The following LRRFIP2 variants were observed in gnomAD, a reference collection of about 807,000 sequenced individuals.
LRRFIP2 encodes the protein LRR binding FLII interacting protein 2.
A neutral mutation model predicts 125.9 loss-of-function variants in LRRFIP2; 109 were observed. The observed-to-expected ratio is 0.87, with a 90% CI of 0.74 to 1.01. The LOEUF (loss-of-function observed/expected upper bound fraction) is 1.01. Among genes scored for constraint, LRRFIP2 ranks in the 50% least tolerant of loss-of-function variants. The pLI, the probability that LRRFIP2 is intolerant of heterozygous loss-of-function variation, is 0.00. For synonymous variants in LRRFIP2, 291 were observed against 293.1 expected, an observed-to-expected ratio of 0.99 and a Z score of 0.07; for missense variants, 850 against 862.3, an observed-to-expected ratio of 0.99 and a Z score of 0.18.
intron 1 of LRRFIP2, among the ~76,000 whole-genome samples, chr3:37,171,747 T>C (rs2096589699): frequency 6.6e-6 from 1 of 152,226 alleles, no homozygotes; most frequent in South Asian, 2.1e-4. Context: ...TTTACTTCTT[T>C]CCTGACTAAT....
chr3:37,152,849 G>T (rs906779385), intron 1 of LRRFIP2, among the ~76,000 whole-genome samples: 6 of 152,186 alleles, frequency 3.9e-5, no homozygotes, highest in African/African-American at 1.2e-4. Context: ...ACAATTTAGT[G>T]AATGCACTAT....
rs144120654 is a variant in LRRFIP2 at position 37,056,802 on chromosome 3, G to A, written c.1871-1637C>T. ...CTCCCCAAAAGCCATATCTGGTAGT[G>A]AAAGAGAAGTATTCCTATTTCTGAG... is the stretch of plus-strand genomic sequence containing the variant. On this transcript the variant is annotated intron_variant, in intron 25 of 27. Transcript: ENST00000336686. 5.5e-4 allele frequency among the ~76,000 whole-genome samples: 84 copies of A among 152,262 alleles called. 1 individual carries two copies. The East Asian group carries it at 0.015, about 28-fold the overall frequency.
At chr3:37,130,854 G>A (rs1300507553) in intron 2 of LRRFIP2, among the ~76,000 whole-genome samples, 1 of 152,120 alleles carries the variant, frequency 6.6e-6, no homozygotes, top group African/African-American at 2.4e-5. Flanking sequence ...AAAGGTGAAC[G>A]TTCTACCTTA....
chr3:37,111,003 G>A lies in LRRFIP2; in HGVS notation c.501C>T (p.Ala167=). The A allele has an allele frequency of 6.2e-7, 1 of 1,613,714 alleles. No individual in the cohort carries two copies. The highest frequency in any genetic ancestry group is 8.5e-7 in the Non-Finnish European group (1 of 1,179,802). ...SSLRHSKPTS[A]YYTRQSSSLY... ...AGTTTAGACAAACCCGAGTGTAGTA[G>A]GCAGAGGTGGGTTTGCTATGTCTAA... is the stretch of plus-strand genomic sequence containing the variant. Residue 167 remains alanine, a synonymous_variant, in exon 9 of 28, where the codon GCC becomes GCT. Transcript: ENST00000336686.
In LRRFIP2 at chr3:37,121,475, C is replaced by A. The variant is rs766679996; in HGVS notation, c.330+17G>T. 1 of 1,611,744 alleles carries A rather than the reference C, an allele frequency of 6.2e-7. No homozygotes were observed. Among genetic ancestry groups the A allele is most frequent in the South Asian group, 1.1e-5 (1 of 91,020 alleles). On this transcript the variant is annotated intron_variant, in intron 6 of 27. Coordinates refer to ENST00000336686, the MANE Select transcript of LRRFIP2 (RefSeq NM_006309.4). The stretch of plus-strand genomic sequence containing the variant: ...ACACGTAAGCTTTGTATTGTGTAGA[C>A]AAGTTAAAATACCAACCCTGTGACT...
intron 2 of LRRFIP2, among the ~76,000 whole-genome samples, chr3:37,136,985 G>A (rs1337528882): frequency 8.8e-6 from 1 of 113,766 alleles, no homozygotes; most frequent in African/African-American, 3.5e-5. Flanking sequence ...GGGGGGGGGC[G>A]GGGACAGGCT....
chr3:37,137,371 T>A, intron 2 of LRRFIP2, among the ~76,000 whole-genome samples: 1 of 152,152 alleles, frequency 6.6e-6, no homozygotes, highest in Middle Eastern at 3.2e-3. Flanking sequence ...AGCTGAGATC[T>A]ACATCCTAAG....
At chr3:37,098,001 A>G (rs2093809827) in intron 15 of LRRFIP2, among the ~76,000 whole-genome samples, 1 of 152,206 alleles carries the variant, frequency 6.6e-6, no homozygotes. Context: ...AATTATTAAA[A>G]CATGAAACAT....
intron 15 of LRRFIP2, among the ~76,000 whole-genome samples, chr3:37,102,119 C>CT (rs999789142): frequency 1.3e-5 from 2 of 152,100 alleles, no homozygotes; most frequent in Admixed American, 1.3e-4. Context: ...AAGGAAAATA[C>CT]TTTTTTTAAC....
chr3:37,070,560 AC>A (rs1448945171), intron 21 of LRRFIP2, among the ~76,000 whole-genome samples: 5 of 150,816 alleles, frequency 3.3e-5, no homozygotes, highest in Admixed American at 1.3e-4. Context: ...ACATGGTGAA[AC>A]CCCATCTCTA....
intron 4 of LRRFIP2, among the ~76,000 whole-genome samples, chr3:37,123,170 T>TTTTTTG (rs1553765293): frequency 1.5e-4 from 23 of 151,040 alleles, no homozygotes; most frequent in African/African-American, 5.7e-4. Flanking sequence ...CTGATTTACA[T>TTTTTTG]TTGTTGTTGT....
chr3:37,084,305 AT>A (rs1478122507), intron 18 of LRRFIP2, among the ~76,000 whole-genome samples: 1 of 152,106 alleles, frequency 6.6e-6, no homozygotes, highest in Non-Finnish European at 1.5e-5. Context: ...AAAGGTAAAT[AT>A]TTTTTCTAGC....
At chr3:37,163,933 C>A (rs1327935703) in intron 1 of LRRFIP2, among the ~76,000 whole-genome samples, 1 of 152,136 alleles carries the variant, frequency 6.6e-6, no homozygotes, top group African/African-American at 2.4e-5. Flanking sequence ...GGTAGTGAGA[C>A]CACAGGTGTT....
At chr3:37,098,259 G>A (rs2093824152) in intron 15 of LRRFIP2, among the ~76,000 whole-genome samples, 1 of 151,118 alleles carries the variant, frequency 6.6e-6, no homozygotes, top group African/African-American at 2.4e-5. Context: ...TTCAAAGCAG[G>A]TAATGACAGC....
chr3:37,147,826 C>A (rs1260372126), intron 2 of LRRFIP2, among the ~76,000 whole-genome samples: 4 of 152,172 alleles, frequency 2.6e-5, no homozygotes, highest in African/African-American at 9.7e-5. Context: ...AGTAAGAAAT[C>A]CCAGCTGGCA....
chr3:37,086,573 G>A (rs543069169), intron 18 of LRRFIP2, among the ~76,000 whole-genome samples: 8 of 152,200 alleles, frequency 5.3e-5, no homozygotes, highest in African/African-American at 1.9e-4. Context: ...AACATGACAT[G>A]GGTGAATATT....
chr3:37,114,717 C>A (rs1186102298), intron 7 of LRRFIP2, among the ~76,000 whole-genome samples: 1 of 151,516 alleles, frequency 6.6e-6, no homozygotes, highest in Non-Finnish European at 1.5e-5. Context: ...TCCAGGAGTT[C>A]AAGGTTGCAG....
At chr3:37,097,501 C>T (rs150003897) in intron 15 of LRRFIP2, among the ~76,000 whole-genome samples, 32 of 152,202 alleles carry the variant, frequency 2.1e-4, no homozygotes, top group African/African-American at 7.5e-4. Context: ...CTTTTCTGTA[C>T]TCCTAGTATC....
intron 6 of LRRFIP2, 82 bp downstream of exon 6, chr3:37,121,410 C>G: frequency 7.8e-7 from 1 of 1,286,156 alleles, no homozygotes; most frequent in Admixed American, 1.8e-5. Context: ...AATACAGGAA[C>G]ATTGTCAGAT....
Sources: allele counts gnomAD v4.1 joint callset (sites outside exome capture counted in the v4.1 genomes callset), GRCh38; gene constraint gnomAD v4.1.1; transcripts MANE v1.5; gene names NCBI Gene and HGNC (gene_info 2026-07-23, HGNC 2026-07-21).